MCM5: variants seen among roughly 807,000 people sequenced by gnomAD.
The protein encoded by MCM5 is DNA replication licensing factor MCM5.
Under a neutral mutation model 79.9 loss-of-function variants are expected in MCM5, and 46 were observed. The ratio of observed to expected loss-of-function variants is 0.58; its 90% CI spans 0.45 to 0.74. The LOEUF (loss-of-function observed/expected upper bound fraction) is 0.74. Among genes scored for constraint, MCM5 ranks in the 30% least tolerant of loss-of-function variants. The probability of loss-of-function intolerance (pLI) is 0.00; values close to 1 mark genes in which losing one functional copy is unlikely to be tolerated. For missense variants in MCM5, 883 were observed against 1,017.0 expected (o/e 0.87, Z 1.79); for synonymous variants, 404 against 390.5 (o/e 1.03, Z -0.41).
chr22:35,436,337 C>A, the MCM5 span, among the ~76,000 whole-genome samples: 2 of 152,160 alleles, frequency 1.3e-5, no homozygotes, highest in African/African-American at 4.8e-5. Context: ...GCTTCTCTGA[C>A]CTTCCGCAGC....
chr22:35,453,845 G>GAGAGAGAGAGAT, the MCM5 span, among the ~76,000 whole-genome samples: 2 of 149,706 alleles, frequency 1.3e-5, no homozygotes, highest in African/African-American at 4.9e-5. Context: ...GAGAGAGAGA[G>GAGAGAGAGAGAT]AGATAGGGAG....
the MCM5 span, among the ~76,000 whole-genome samples, chr22:35,445,249 G>T: frequency 6.6e-5 from 10 of 151,456 alleles, no homozygotes; most frequent in Admixed American, 5.9e-4. Context: ...ACGGACCCTG[G>T]CATGTTTCAG....
At chr22:35,415,714 C>T (rs552609888) in intron 9 of MCM5, 115 bp from the exon 10 acceptor site, 7 of 1,182,546 alleles carry the variant, frequency 5.9e-6, no homozygotes, top group Non-Finnish European at 6.0e-6. Context: ...CTGTACCCTG[C>T]AGCCAGCTTT....
At chr22:35,434,448 C>T in the MCM5 span, among the ~76,000 whole-genome samples, 1 of 152,050 alleles carries the variant, frequency 6.6e-6, no homozygotes, top group African/African-American at 2.4e-5. Flanking sequence ...TTTATCGGTC[C>T]CAGGGGAGCT....
At chr22:35,448,580 A>T in the MCM5 span, among the ~76,000 whole-genome samples, 1 of 152,228 alleles carries the variant, frequency 6.6e-6, no homozygotes, top group East Asian at 1.9e-4. Context: ...ATGGGGAATG[A>T]GACAGACAAG....
downstream of MCM5, among the ~76,000 whole-genome samples, chr22:35,427,710 C>A (rs529133341): frequency 6.6e-6 from 1 of 152,022 alleles, no homozygotes. Context: ...CCCCACCCCC[C>A]ACAAATGTTT....
chr22:35,421,626 C>G, intron 15 of MCM5, 166 bp downstream of exon 15: 1 of 852,182 alleles, frequency 1.2e-6, no homozygotes, highest in Non-Finnish European at 1.9e-6. Context: ...CTCCTCCTTT[C>G]TCCCCACCGC....
the MCM5 span, among the ~76,000 whole-genome samples, chr22:35,436,342 C>T: frequency 1.7e-3 from 258 of 152,244 alleles, 1 homozygote; most frequent in African/African-American, 5.7e-3. Context: ...TCTGACCTTC[C>T]GCAGCTTCCA....
intron 10 of MCM5, among the ~76,000 whole-genome samples, 181 bp from the exon 11 acceptor site, chr22:35,416,158 G>T (rs919191079): frequency 6.6e-6 from 1 of 152,200 alleles, no homozygotes; most frequent in Non-Finnish European, 1.5e-5. Flanking sequence ...TCTGAAGAGT[G>T]GGGAGAAGAA....
chr22:35,432,908 C>T, the MCM5 span, among the ~76,000 whole-genome samples: 2 of 151,920 alleles, frequency 1.3e-5, no homozygotes, highest in Admixed American at 6.6e-5. Context: ...AGGTGAACCC[C>T]CTAGGTTGTC....
At chr22:35,420,880 C>T (rs1017073172) in intron 14 of MCM5, among the ~76,000 whole-genome samples, 1 of 152,110 alleles carries the variant, frequency 6.6e-6, no homozygotes, top group African/African-American at 2.4e-5. Context: ...GTGATCCTAG[C>T]ACTTTGGGAG....
chr22:35,412,803 C>A, intron 8 of MCM5, 122 bp downstream of exon 8: 2 of 891,834 alleles, frequency 2.2e-6, no homozygotes, highest in Non-Finnish European at 1.5e-6. Flanking sequence ...CTCAGTCTGC[C>A]AGGCACCTTT....
chr22:35,404,490 C>G (rs894338589), intron 4 of MCM5, among the ~76,000 whole-genome samples: 6 of 152,016 alleles, frequency 3.9e-5, no homozygotes, highest in African/African-American at 1.2e-4. Flanking sequence ...CCTTCCCCCC[C>G]GTGATTTTTG....
chr22:35,424,521 C>T lies in MCM5; in HGVS notation c.*266C>T. Reference sequence around the variant, plus strand: ...TCAGGTATCTGTGGGTTTGTGCACTCGGTGACCTGTCACCTCCATCGTGCC... The same window carrying T: ...TCAGGTATCTGTGGGTTTGTGCACTTGGTGACCTGTCACCTCCATCGTGCC... On this transcript the variant is annotated 3_prime_UTR_variant, in exon 17 of 17. Coordinates refer to ENST00000216122, the MANE Select transcript of MCM5 (RefSeq NM_006739.4). 2.8e-6 allele frequency: 1 copy of T among 351,322 alleles called. No homozygotes were observed. The highest frequency in any genetic ancestry group is 4.8e-5 in the East Asian group (1 of 20,768). 21.8% of individuals were successfully genotyped at this position (351,322 alleles called of 1,614,324 possible). A position where few individuals can be genotyped will look rare whatever the true frequency, so the allele number is the denominator to read the frequency against.
At chr22:35,435,739 T>A in the MCM5 span, among the ~76,000 whole-genome samples, 2 of 152,304 alleles carry the variant, frequency 1.3e-5, no homozygotes, top group South Asian at 4.1e-4. Context: ...CCTCCCTAAC[T>A]TGGCCTTGGA....
At chr22:35,441,617 T>TG in the MCM5 span, among the ~76,000 whole-genome samples, 1 of 151,614 alleles carries the variant, frequency 6.6e-6, no homozygotes, top group Non-Finnish European at 1.5e-5. Flanking sequence ...GTCCTGGCAG[T>TG]GGGGGTATAT....
At chr22:35,410,417 T>C in intron 6 of MCM5, 2 of 341,738 alleles carry the variant, frequency 5.9e-6, no homozygotes. Context: ...ATGGGGCTTT[T>C]GGAGGGCTCT....
chr22:35,449,160 C>T, the MCM5 span, among the ~76,000 whole-genome samples: 1 of 152,170 alleles, frequency 6.6e-6, no homozygotes, highest in Non-Finnish European at 1.5e-5. Context: ...GATGAGGACT[C>T]CCTGAGGCGT....
In MCM5 at chr22:35,408,516, A is replaced by T; in HGVS notation, c.705A>T (p.Ala235=). 6.2e-7 allele frequency: 1 copy of T among 1,614,154 alleles called. No individual in the cohort carries two copies. The highest frequency in any genetic ancestry group is 8.5e-7 in the Non-Finnish European group (1 of 1,179,996). Residue 235 remains alanine, a synonymous_variant, in exon 6 of 17, where the codon GCA becomes GCT. Transcript: ENST00000216122. ...QTLKLQELPD[A]VPHGEMPRHM... is the part of the protein sequence containing the mutation. ...TGAAGCTGCAGGAGCTGCCTGATGC[A>T]GTCCCCCACGGGGAGATGCCCAGAC...
Sources: gnomAD v4.1 joint callset for allele counts (sites outside exome capture counted in the v4.1 genomes callset) on GRCh38, gnomAD v4.1.1 for gene constraint, MANE v1.5 for transcripts, NCBI Gene and HGNC (gene_info 2026-07-23, HGNC 2026-07-21) for gene names.